The following NOL4 variants were observed in gnomAD, a reference collection of about 807,000 sequenced individuals.
NOL4 encodes the protein nucleolar protein 4.
In NOL4, 17 loss-of-function variants were observed where a neutral mutation model predicts 75.9. The observed-to-expected ratio is 0.22, with a 90% CI of 0.15 to 0.34. The LOEUF is 0.34. Ranked by LOEUF, NOL4 falls within the 10% of genes least tolerant of loss-of-function variation. The probability of loss-of-function intolerance (pLI) is 1.00; values close to 1 mark genes in which losing one functional copy is unlikely to be tolerated. For synonymous variants in NOL4, 292 were observed against 289.9 expected (o/e 1.01, Z -0.07); for missense variants, 614 against 793.5 (o/e 0.77, Z 2.72).
intron 4 of NOL4, among the ~76,000 whole-genome samples, chr18:34,100,084 A>G (rs1017421769): frequency 1.3e-5 from 2 of 151,576 alleles, no homozygotes; most frequent in Non-Finnish European, 2.9e-5. Flanking sequence ...AAACAGCAGA[A>G]CAATTCCATA....
chr18:34,098,070 AC>A (rs1446271170), intron 4 of NOL4, among the ~76,000 whole-genome samples: 2 of 152,078 alleles, frequency 1.3e-5, no homozygotes, highest in African/African-American at 4.8e-5. Flanking sequence ...ATGGATATTG[AC>A]CATGTAGTGG....
intron 5 of NOL4, among the ~76,000 whole-genome samples, chr18:34,036,236 C>G (rs2075890428): frequency 1.3e-5 from 2 of 151,960 alleles, no homozygotes; most frequent in African/African-American, 4.8e-5. Flanking sequence ...AAATACTAAT[C>G]AACAGAAAGC....
chr18:34,137,779 T>TATACACAC (rs1354745785), intron 1 of NOL4, among the ~76,000 whole-genome samples: 4,976 of 147,016 alleles, frequency 0.034, 108 homozygotes, highest in African/African-American at 0.053. Context: ...ATATACGAAA[T>TATACACAC]ACACACACAC....
At chr18:34,030,051 C>T (rs1462035627) in intron 5 of NOL4, among the ~76,000 whole-genome samples, 1 of 152,134 alleles carries the variant, frequency 6.6e-6, no homozygotes, top group Non-Finnish European at 1.5e-5. Flanking sequence ...TTCTGTGCTT[C>T]AGAAAATAAA....
intron 2 of NOL4, among the ~76,000 whole-genome samples, chr18:34,128,377 C>T (rs561395179): frequency 3.2e-4 from 48 of 151,870 alleles, no homozygotes; most frequent in African/African-American, 9.6e-4. Context: ...AAAGTCCTGT[C>T]GAGTTCAGGT....
At chr18:33,986,908 A>AT (rs1281446625) in intron 6 of NOL4, among the ~76,000 whole-genome samples, 1 of 152,098 alleles carries the variant, frequency 6.6e-6, no homozygotes, top group African/African-American at 2.4e-5. Context: ...AGATCCATAT[A>AT]TTGCGATACT....
intron 2 of NOL4, among the ~76,000 whole-genome samples, chr18:34,107,856 A>G (rs1306532316): frequency 6.6e-6 from 1 of 152,148 alleles, no homozygotes; most frequent in East Asian, 1.9e-4. Flanking sequence ...ATACCTTCAC[A>G]ACAACTAAGG....
chr18:33,938,549 T>C (rs2068232511), intron 9 of NOL4, among the ~76,000 whole-genome samples: 1 of 152,160 alleles, frequency 6.6e-6, no homozygotes, highest in East Asian at 1.9e-4. Flanking sequence ...TGAGCTCTTT[T>C]CATATGTTTC....
intron 2 of NOL4, among the ~76,000 whole-genome samples, chr18:34,113,638 TA>T (rs10716930): frequency 0.28 from 40,910 of 148,418 alleles, 5,771 homozygotes; most frequent in East Asian, 0.53. Flanking sequence ...CAGTGCCTCT[TA>T]AAAAAAAAAA....
At chr18:34,031,595 A>C (rs1397888845) in intron 5 of NOL4, among the ~76,000 whole-genome samples, 4 of 152,212 alleles carry the variant, frequency 2.6e-5, no homozygotes, top group Non-Finnish European at 5.9e-5. Flanking sequence ...CTTCACTAAG[A>C]AGAAACAAAA....
intron 6 of NOL4, among the ~76,000 whole-genome samples, chr18:34,010,907 A>G (rs2146326339): frequency 6.6e-6 from 1 of 151,672 alleles, no homozygotes; most frequent in East Asian, 1.9e-4. Flanking sequence ...GTATTATCAT[A>G]TTTTTTTCTA....
intron 1 of NOL4, among the ~76,000 whole-genome samples, chr18:34,212,324 T>C (rs1321285948): frequency 1.3e-5 from 2 of 152,282 alleles, no homozygotes; most frequent in Non-Finnish European, 1.5e-5. Context: ...TCAAAAACCA[T>C]AGAAATGGCA....
chr18:33,923,126 A>G (rs966878854), intron 9 of NOL4, among the ~76,000 whole-genome samples: 1 of 152,110 alleles, frequency 6.6e-6, no homozygotes, highest in Non-Finnish European at 1.5e-5. Flanking sequence ...GGAAGTATAT[A>G]TTGATTGAGA....
chr18:33,889,015 G>T (rs144602542), intron 9 of NOL4, among the ~76,000 whole-genome samples: 9 of 151,942 alleles, frequency 5.9e-5, no homozygotes, highest in African/African-American at 2.2e-4. Flanking sequence ...AAATAACTAA[G>T]ATCAGAGCAG....
At chr18:34,137,821 T>A (rs367646981) in intron 1 of NOL4, among the ~76,000 whole-genome samples, 3 of 120,748 alleles carry the variant, frequency 2.5e-5, no homozygotes, top group Non-Finnish European at 1.9e-5. Flanking sequence ...CACGCACACA[T>A]ACACACATTC....
At chr18:33,872,469 T>C (rs1217712488) in intron 10 of NOL4, among the ~76,000 whole-genome samples, 1 of 151,994 alleles carries the variant, frequency 6.6e-6, no homozygotes, top group Non-Finnish European at 1.5e-5. Flanking sequence ...ATTTATCTCA[T>C]TGAGGAGTGA....
chr18:34,141,017 C>T (rs2081130252), intron 1 of NOL4, among the ~76,000 whole-genome samples: 1 of 152,104 alleles, frequency 6.6e-6, no homozygotes, highest in Non-Finnish European at 1.5e-5. Context: ...GCAAAAATCA[C>T]AAGCATTCTT....
chr18:34,169,767 T>C (rs757331145), intron 1 of NOL4, among the ~76,000 whole-genome samples: 2 of 152,054 alleles, frequency 1.3e-5, no homozygotes, highest in East Asian at 3.9e-4. Flanking sequence ...AAAATGTTCA[T>C]CTCAATAACA....
At chr18:34,161,742 A>G (rs1464663932) in intron 1 of NOL4, among the ~76,000 whole-genome samples, 1 of 152,022 alleles carries the variant, frequency 6.6e-6, no homozygotes, top group African/African-American at 2.4e-5. Flanking sequence ...TGGAATATTA[A>G]TTCCTTGACA....
Sources: gnomAD v4.1 joint callset for allele counts (sites outside exome capture counted in the v4.1 genomes callset) on GRCh38, gnomAD v4.1.1 for gene constraint, MANE v1.5 for transcripts, NCBI Gene and HGNC (gene_info 2026-07-23, HGNC 2026-07-21) for gene names.